RIPOR3: variants seen among roughly 807,000 people sequenced by gnomAD.
RIPOR3 encodes family with sequence similarity 65 member C.
In RIPOR3, 95 loss-of-function variants were observed where a neutral mutation model predicts 114.3. The ratio of observed to expected loss-of-function variants is 0.83; its 90% CI spans 0.70 to 0.99. RIPOR3 has a LOEUF of 0.99. Ranked by LOEUF, RIPOR3 falls within the 50% of genes least tolerant of loss-of-function variation. RIPOR3 has a pLI of 0.00. For missense variants in RIPOR3, 1,252 were observed against 1,266.9 expected (o/e 0.99, Z 0.18); for synonymous variants, 575 against 543.8 (o/e 1.06, Z -0.80).
chr20:50,611,321 G>T, intron 4 of RIPOR3, 117 bp from the exon 5 acceptor site: 1 of 1,339,718 alleles, frequency 7.5e-7, no homozygotes. Context: ...AGAAAGCCAT[G>T]TCTACAGCCA....
chr20:50,691,064 A>G, intron 1 of RIPOR3, 62 bp downstream of exon 1: 1 of 1,289,390 alleles, frequency 7.8e-7, no homozygotes. Context: ...CCCCAGCTCC[A>G]GAAGTCTGTC....
intron 1 of RIPOR3, among the ~76,000 whole-genome samples, chr20:50,666,181 C>CCTTTTCTTTTCTTT: frequency 6.7e-5 from 1 of 14,924 alleles, no homozygotes. Flanking sequence ...GAAAGGACAC[C>CCTTTTCTTTTCTTT]CATTTCTTTT....
intron 2 of RIPOR3, among the ~76,000 whole-genome samples, chr20:50,623,053 C>T (rs966918450): frequency 6.6e-6 from 1 of 151,968 alleles, no homozygotes; most frequent in African/African-American, 2.4e-5. Context: ...CAACTGAGGT[C>T]AGGAGTTCAA....
chr20:50,587,085 G>A lies in RIPOR3; in HGVS notation c.*147C>T. The A allele has an allele frequency of 3.1e-6, 2 of 650,436 alleles. No individual in the cohort carries two copies. Among genetic ancestry groups the A allele is most frequent in the Non-Finnish European group, 5.4e-6 (2 of 369,306 alleles). 40.3% of individuals were successfully genotyped at this position (650,436 alleles called of 1,614,324 possible). On this transcript the variant is annotated 3_prime_UTR_variant, in exon 22 of 22. Coordinates refer to ENST00000327979, the MANE Select transcript of RIPOR3 (RefSeq NM_001290268.2). ...AGACCAGCCCATGCCCTGGGGCTGG[G>A]TCAATGGCCGGAGTCTCAGGTAGAG...
intron 1 of RIPOR3, among the ~76,000 whole-genome samples, chr20:50,683,089 G>A (rs548749803): frequency 9.9e-5 from 15 of 152,268 alleles, no homozygotes; most frequent in South Asian, 6.2e-4. Context: ...AATGGATGGC[G>A]CTGATAATTG....
chr20:50,592,775 C>T (rs987274144), intron 18 of RIPOR3, among the ~76,000 whole-genome samples: 3 of 152,200 alleles, frequency 2.0e-5, no homozygotes. Context: ...AACCACAGCC[C>T]ACACTTCCAG....
chr20:50,673,717 C>T (rs1221713899), intron 1 of RIPOR3, among the ~76,000 whole-genome samples: 2 of 152,160 alleles, frequency 1.3e-5, no homozygotes, highest in East Asian at 3.9e-4. Context: ...CCTATCAGGC[C>T]CCAGTCCGGC....
intron 1 of RIPOR3, among the ~76,000 whole-genome samples, chr20:50,669,872 A>AG (rs1024152785): frequency 1.3e-5 from 2 of 151,826 alleles, no homozygotes; most frequent in African/African-American, 4.8e-5. Context: ...AAAAAAAAAA[A>AG]AAGGCTGGGC....
intron 1 of RIPOR3, among the ~76,000 whole-genome samples, chr20:50,643,587 G>A (rs1327597353): frequency 6.6e-6 from 1 of 151,928 alleles, no homozygotes; most frequent in African/African-American, 2.4e-5. Context: ...GCTATGTCTT[G>A]GGTCATGGTC....
chr20:50,610,796 G>A (rs1231502010), intron 6 of RIPOR3, 57 bp downstream of exon 6: 17 of 1,611,428 alleles, frequency 1.1e-5, no homozygotes, highest in Middle Eastern at 1.7e-4. Context: ...ACCTAGCTGA[G>A]GCCCAGCAAG....
At chr20:50,621,036 G>T in intron 2 of RIPOR3, 1 of 480,164 alleles carries the variant, frequency 2.1e-6, no homozygotes. Flanking sequence ...CCGAGCCAAT[G>T]TCCTGGCCGC....
At chr20:50,654,492 G>A (rs1483143092) in intron 1 of RIPOR3, among the ~76,000 whole-genome samples, 9 of 139,744 alleles carry the variant, frequency 6.4e-5, no homozygotes, top group South Asian at 2.4e-4. Context: ...GTGCAGTGGC[G>A]CAATCTCGGC....
At chr20:50,664,334 C>A (rs1311322619) in intron 1 of RIPOR3, among the ~76,000 whole-genome samples, 2 of 151,962 alleles carry the variant, frequency 1.3e-5, no homozygotes, top group African/African-American at 2.4e-5. Context: ...GGACAAACAG[C>A]GTGGCTGCTA....
intron 1 of RIPOR3, among the ~76,000 whole-genome samples, chr20:50,680,665 T>TA (rs2086829475): frequency 6.6e-6 from 1 of 152,234 alleles, no homozygotes; most frequent in African/African-American, 2.4e-5. Flanking sequence ...AGCAGCCTCT[T>TA]ACGCAATACA....
At chr20:50,679,768 CA>C (rs34233758) in intron 1 of RIPOR3, among the ~76,000 whole-genome samples, 2 of 135,892 alleles carry the variant, frequency 1.5e-5, no homozygotes, top group Non-Finnish European at 1.6e-5. Flanking sequence ...GACTCTGTCT[CA>C]AAAAAAAAAA....
At chr20:50,594,089 C>T (rs557151792) in intron 17 of RIPOR3, among the ~76,000 whole-genome samples, 63 of 151,828 alleles carry the variant, frequency 4.1e-4, no homozygotes, top group Admixed American at 1.8e-3. Flanking sequence ...GCCAATATGG[C>T]GAAACCCCGT....
intron 11 of RIPOR3, among the ~76,000 whole-genome samples, chr20:50,607,361 A>C (rs1379354817): frequency 6.8e-6 from 1 of 147,298 alleles, no homozygotes; most frequent in South Asian, 2.1e-4. Context: ...CTGGCCCGTG[A>C]TGCTCAGCCT....
chr20:50,594,418 TC>T, intron 17 of RIPOR3, 134 bp downstream of exon 17: 1 of 1,084,866 alleles, frequency 9.2e-7, no homozygotes, highest in Non-Finnish European at 1.3e-6. Context: ...CTGAGAAAGC[TC>T]CTCCGTCCGA....
chr20:50,619,940 G>GATA, intron 3 of RIPOR3, 46 bp downstream of exon 3: 1 of 1,584,142 alleles, frequency 6.3e-7, no homozygotes, highest in South Asian at 1.1e-5. Context: ...GAGGAGGCGA[G>GATA]GTAGAGGAAT....
Sources: gnomAD v4.1 joint callset for allele counts (sites outside exome capture counted in the v4.1 genomes callset) on GRCh38, gnomAD v4.1.1 for gene constraint, MANE v1.5 for transcripts, NCBI Gene and HGNC (gene_info 2026-07-23, HGNC 2026-07-21) for gene names.